The following SNTG1 variants were observed in gnomAD, a reference collection of about 807,000 sequenced individuals.
The protein encoded by SNTG1 is syntrophin gamma 1.
SNTG1 carries 39 observed loss-of-function variants against 74.7 expected under a neutral mutation model. The ratio of observed to expected loss-of-function variants is 0.52; its 90% CI spans 0.40 to 0.68. The LOEUF (loss-of-function observed/expected upper bound fraction) is 0.68. SNTG1 is among the 30% of genes least tolerant of loss of function. The pLI, the probability that SNTG1 is intolerant of heterozygous loss-of-function variation, is 0.00. For missense variants in SNTG1, 685 were observed against 609.5 expected (o/e 1.12, Z -1.30); for synonymous variants, 254 against 217.1 (o/e 1.17, Z -1.49).
At chr8:49,974,674 C>T (rs1248079974) in intron 1 of SNTG1, among the ~76,000 whole-genome samples, 1 of 151,836 alleles carries the variant, frequency 6.6e-6, no homozygotes, top group Non-Finnish European at 1.5e-5. Flanking sequence ...AATGAAGGCC[C>T]TGAACTAGAT....
At position 50,518,602 on chromosome 8, in the gene SNTG1, TA is replaced by T. The variant is rs543458298; in HGVS notation, c.467-11571del. On this transcript the variant is annotated intron_variant, in intron 9 of 18. Coordinates refer to ENST00000642720, the MANE Select transcript of SNTG1 (RefSeq NM_018967.5). ...AGAGAGAAGAATCAAATAGACACAGTAAAATATGATAAAGGAGATATCACCA... is the reference window on the plus strand; with the variant it reads ...AGAGAGAAGAATCAAATAGACACAGTAAATATGATAAAGGAGATATCACCA... Among the ~76,000 whole-genome samples, 281 of 152,074 alleles carry T rather than the reference TA, an allele frequency of 1.8e-3. 1 individual carries two copies. Among genetic ancestry groups the T allele is most frequent in the African/African-American group, 6.4e-3 (266 of 41,466 alleles).
At chr8:50,120,581 A>G (rs1586362879) in intron 1 of SNTG1, among the ~76,000 whole-genome samples, 1 of 45,858 alleles carries the variant, frequency 2.2e-5, no homozygotes, top group Non-Finnish European at 5.0e-5. Context: ...TACCACTACT[A>G]CCACCACAAA....
chr8:50,208,201 A>G (rs2084338223), intron 2 of SNTG1, among the ~76,000 whole-genome samples: 1 of 152,112 alleles, frequency 6.6e-6, no homozygotes, highest in Admixed American at 6.6e-5. Flanking sequence ...GTGGGAGTCT[A>G]AGTCTCTTTG....
At chr8:50,304,652 T>C (rs1397245290) in intron 2 of SNTG1, among the ~76,000 whole-genome samples, 1 of 152,068 alleles carries the variant, frequency 6.6e-6, no homozygotes, top group East Asian at 1.9e-4. Context: ...TAAAAAAAAC[T>C]AAAAAGTTTA....
intron 8 of SNTG1, among the ~76,000 whole-genome samples, chr8:50,455,043 A>T (rs1205745378): frequency 3.3e-5 from 5 of 152,138 alleles, no homozygotes; most frequent in African/African-American, 1.2e-4. Context: ...AGAAAGGGGC[A>T]ATATGAAAAC....
At chr8:50,633,363 A>G (rs1266497966) in intron 13 of SNTG1, among the ~76,000 whole-genome samples, 12 of 152,134 alleles carry the variant, frequency 7.9e-5, no homozygotes, top group Non-Finnish European at 2.9e-5. Context: ...AGGTACATTT[A>G]TGTTTCTGCC....
chr8:49,936,341 A>T (rs1258188010), intron 1 of SNTG1, among the ~76,000 whole-genome samples: 2 of 152,164 alleles, frequency 1.3e-5, no homozygotes, highest in East Asian at 3.9e-4. Context: ...GAAAGTGTCG[A>T]GGTCCCTTTT....
chr8:50,419,495 T>G (rs1044301853), intron 4 of SNTG1, among the ~76,000 whole-genome samples: 1 of 152,144 alleles, frequency 6.6e-6, no homozygotes, highest in Admixed American at 6.6e-5. Flanking sequence ...GAAGATTATC[T>G]GGTTGTCTGA....
At chr8:49,924,112 A>T (rs1327992182) in intron 1 of SNTG1, among the ~76,000 whole-genome samples, 3 of 152,198 alleles carry the variant, frequency 2.0e-5, no homozygotes, top group African/African-American at 7.2e-5. Context: ...TAGCTCTGCT[A>T]GCCCAGTACA....
At chr8:50,513,846 T>C (rs1202787831) in intron 9 of SNTG1, among the ~76,000 whole-genome samples, 2 of 152,222 alleles carry the variant, frequency 1.3e-5, no homozygotes, top group Non-Finnish European at 1.5e-5. Flanking sequence ...GGGAATTCCC[T>C]GACCCCTTGC....
intron 2 of SNTG1, among the ~76,000 whole-genome samples, chr8:50,310,786 T>C (rs779841992): frequency 1.3e-5 from 2 of 152,234 alleles, no homozygotes; most frequent in Non-Finnish European, 2.9e-5. Flanking sequence ...TAAGATTTGA[T>C]ATATTGGTTA....
chr8:50,729,650 C>CA (rs1187921787), intron 17 of SNTG1, among the ~76,000 whole-genome samples: 2 of 152,094 alleles, frequency 1.3e-5, no homozygotes, highest in African/African-American at 4.8e-5. Context: ...GTTTGAATTT[C>CA]ATAGAGTAGT....
chr8:50,515,319 T>C (rs1289042950), intron 9 of SNTG1, among the ~76,000 whole-genome samples: 1 of 151,506 alleles, frequency 6.6e-6, no homozygotes, highest in Non-Finnish European at 1.5e-5. Flanking sequence ...AAAATACACA[T>C]ACCTTAATTT....
intron 1 of SNTG1, among the ~76,000 whole-genome samples, chr8:49,927,999 T>G (rs925588031): frequency 2.0e-5 from 3 of 151,104 alleles, no homozygotes; most frequent in Non-Finnish European, 3.0e-5. Flanking sequence ...CATGGTGGCG[T>G]GCACCTGTAG....
intron 17 of SNTG1, among the ~76,000 whole-genome samples, chr8:50,713,152 C>G (rs549918826): frequency 6.6e-6 from 1 of 152,188 alleles, no homozygotes; most frequent in Non-Finnish European, 1.5e-5. Flanking sequence ...TCCACATCCT[C>G]GCCAGCATCT....
At chr8:50,519,598 C>T (rs572773983) in intron 9 of SNTG1, among the ~76,000 whole-genome samples, 10 of 152,136 alleles carry the variant, frequency 6.6e-5, no homozygotes, top group Non-Finnish European at 1.0e-4. Context: ...TAAGCTACTT[C>T]GGCAGAGTTT....
intron 2 of SNTG1, among the ~76,000 whole-genome samples, chr8:50,299,489 A>G (rs1445683007): frequency 2.0e-5 from 3 of 152,152 alleles, no homozygotes; most frequent in Admixed American, 6.6e-5. Context: ...TTGGGGAACA[A>G]AGAGACATCA....
chr8:50,341,861 C>T (rs1481894349), intron 2 of SNTG1, among the ~76,000 whole-genome samples: 1 of 151,938 alleles, frequency 6.6e-6, no homozygotes, highest in Non-Finnish European at 1.5e-5. Flanking sequence ...AAGCTAAATG[C>T]AGATAAAGTT....
chr8:50,013,105 G>A (rs908338691), intron 1 of SNTG1, among the ~76,000 whole-genome samples: 10 of 152,018 alleles, frequency 6.6e-5, no homozygotes, highest in African/African-American at 2.4e-4. Context: ...TTTAACACAG[G>A]CCCAGGCACT....
Sources: gnomAD v4.1 joint callset for allele counts (sites outside exome capture counted in the v4.1 genomes callset) on GRCh38, gnomAD v4.1.1 for gene constraint, MANE v1.5 for transcripts, NCBI Gene and HGNC (gene_info 2026-07-23, HGNC 2026-07-21) for gene names.